NSD2: variants seen among roughly 807,000 people sequenced by gnomAD.
NSD2 encodes histone-lysine N-methyltransferase NSD2.
A neutral mutation model predicts 139.0 loss-of-function variants in NSD2; 12 were observed. That is an observed-to-expected ratio of 0.09 (90% confidence interval 0.06 to 0.14). NSD2 has a LOEUF of 0.14. Ranked by LOEUF, NSD2 falls within the 10% of genes least tolerant of loss-of-function variation. NSD2 has a pLI of 1.00. For missense variants in NSD2, 1,155 were observed against 1,745.0 expected (o/e 0.66, Z 6.02); for synonymous variants, 669 against 648.7 (o/e 1.03, Z -0.48).
In NSD2 at chr4:1,956,242, C is replaced by A; in HGVS notation, c.2881+54C>A. On this transcript the variant is annotated intron_variant, in intron 15 of 21. Transcript: ENST00000508803. This position sits in a 1 kb window ranked among gnomAD's most constrained non-coding sequence, Gnocchi z 5.3. ...ACAGCACTCTCGTGCATTTTCTTAC[C>A]CCTAATTTCTATTTTTTAAAATTTG... The A allele has an allele frequency of 1.4e-6, 2 of 1,440,874 alleles. No homozygotes were observed. The highest frequency in any genetic ancestry group is 4.7e-5 in the East Asian group (2 of 42,922). 89.3% of individuals were successfully genotyped at this position (1,440,874 alleles called of 1,614,324 possible). A position where few individuals can be genotyped will look rare whatever the true frequency, so the allele number is the denominator to read the frequency against.
At chr4:1,904,868 C>T (rs1172543716) in intron 3 of NSD2, among the ~76,000 whole-genome samples, 12 of 152,174 alleles carry the variant, frequency 7.9e-5, no homozygotes, top group South Asian at 6.2e-4. Context: ...CGGTGGCTCA[C>T]GCCTGTAATC....
intron 1 of NSD2, among the ~76,000 whole-genome samples, chr4:1,880,322 C>G (rs1285766694): frequency 6.6e-6 from 1 of 152,118 alleles, no homozygotes; most frequent in African/African-American, 2.4e-5. Flanking sequence ...CCTGCAGGGC[C>G]TGACCTCTGA....
intron 5 of NSD2, among the ~76,000 whole-genome samples, chr4:1,925,260 G>C (rs559057826): frequency 1.3e-5 from 2 of 152,288 alleles, no homozygotes; most frequent in East Asian, 3.9e-4. Context: ...ACCCTTGAGG[G>C]ATAGAGTCAG....
intron 9 of NSD2, chr4:1,945,341 C>G: frequency 9.4e-7 from 1 of 1,065,598 alleles, no homozygotes; most frequent in Non-Finnish European, 1.1e-6. Flanking sequence ...CTGTCAGGAG[C>G]AAGCTTGCTG....
At chr4:1,899,422 A>G (rs897514682) in intron 1 of NSD2, 2 of 152,168 alleles carry the variant, frequency 1.3e-5, no homozygotes, top group African/African-American at 2.4e-5. Flanking sequence ...TAGTGGTGGT[A>G]ATAAAAAATG....
At chr4:1,964,619 AGAGGTGCGCTGCGCT>A (rs981228690) in intron 18 of NSD2, among the ~76,000 whole-genome samples, 2 of 152,074 alleles carry the variant, frequency 1.3e-5, no homozygotes, top group African/African-American at 4.8e-5. Context: ...GTGCAGACAA[AGAGGTGCGCTGCGCT>A]GCCGTTGTTA....
intron 5 of NSD2, among the ~76,000 whole-genome samples, chr4:1,924,519 G>C (rs1444894523): frequency 6.6e-6 from 1 of 152,120 alleles, no homozygotes; most frequent in Non-Finnish European, 1.5e-5. Flanking sequence ...ATTGATCTCA[G>C]ATGGTCCTTC....
In NSD2 at chr4:1,975,340, A is replaced by C. The variant is rs1384015236; in HGVS notation, c.3561A>C (p.Glu1187Asp). ...ACAACCTCGATTGTCTGGGCAATGA[A>C]AAAACGGTCTGCCGGTGTGGAGCCT... The part of the protein sequence containing the change: ...FNYNLDCLGN[E>D]KTVCRCGASN... The change falls in exon 20 of 22, where the codon GAA becomes GAC. Residue 1187 changes from glutamate to aspartate, a missense_variant. This residue lies in a region of NSD2 where 139 missense variants were observed against 485.8 expected (regional missense o/e 0.29). Coordinates refer to ENST00000508803, the MANE Select transcript of NSD2 (RefSeq NM_001042424.3). 6.2e-7 allele frequency: 1 copy of C among 1,614,092 alleles called. No individual in the cohort carries two copies. The highest frequency in any genetic ancestry group is 1.3e-5 in the African/African-American group (1 of 74,922).
In NSD2 at chr4:1,930,938, C is replaced by T. The variant is rs185516993; in HGVS notation, c.1555+168C>T. 2.5e-3 allele frequency among the ~76,000 whole-genome samples: 377 copies of T among 152,214 alleles called. 3 individuals are homozygous for T. The highest frequency in any genetic ancestry group is 8.8e-3 in the African/African-American group (364 of 41,526). On this transcript the variant is annotated intron_variant, in intron 6 of 21. Coordinates refer to ENST00000508803, the MANE Select transcript of NSD2 (RefSeq NM_001042424.3). ...CGTGTGGTCACAGTAAAAACAGCTTCTGCCATCTGCGTTTACTGGCTTATG... is the reference window on the plus strand; with the variant it reads ...CGTGTGGTCACAGTAAAAACAGCTTTTGCCATCTGCGTTTACTGGCTTATG...
chr4:1,970,630 C>T (rs977714873), intron 18 of NSD2, among the ~76,000 whole-genome samples: 1 of 152,142 alleles, frequency 6.6e-6, no homozygotes, highest in African/African-American at 2.4e-5. Flanking sequence ...GCCAGAGCCG[C>T]TGAGTCAGGT....
chr4:1,906,441 A>G (rs1290536741), intron 3 of NSD2, among the ~76,000 whole-genome samples: 3 of 151,736 alleles, frequency 2.0e-5, no homozygotes, highest in African/African-American at 7.3e-5. Context: ...GGGTTTCACC[A>G]TGTTGCCCAG....
chr4:1,975,183 G>T, intron 19 of NSD2, 111 bp from the exon 20 acceptor site: 1 of 1,403,296 alleles, frequency 7.1e-7, no homozygotes, highest in South Asian at 1.3e-5. Flanking sequence ...GGTCAAGCCA[G>T]TACAGATACA....
chr4:1,966,631 T>G (rs1299179248), intron 18 of NSD2, among the ~76,000 whole-genome samples: 2 of 144,772 alleles, frequency 1.4e-5, no homozygotes, highest in African/African-American at 5.2e-5. Flanking sequence ...CACTCCAGCC[T>G]GGGTGACAGA....
At chr4:1,961,908 A>ATG (rs1725412215) in intron 18 of NSD2, among the ~76,000 whole-genome samples, 1 of 152,208 alleles carries the variant, frequency 6.6e-6, no homozygotes, top group African/African-American at 2.4e-5. Context: ...GATAGAATAC[A>ATG]TGTTTCTGCC....
chr4:1,896,126 C>T (rs142995364), intron 1 of NSD2, among the ~76,000 whole-genome samples: 1 of 152,346 alleles, frequency 6.6e-6, no homozygotes, highest in African/African-American at 2.4e-5. Context: ...GGATTCTAGT[C>T]CAGACAGCAG....
chr4:1,933,425 C>T (rs1030536340), intron 6 of NSD2, among the ~76,000 whole-genome samples: 3 of 152,188 alleles, frequency 2.0e-5, no homozygotes, highest in Admixed American at 6.5e-5. Context: ...CTTGCTCTGT[C>T]GCCCAGGCGG....
chr4:1,885,292 A>G (rs1043367537), intron 1 of NSD2, among the ~76,000 whole-genome samples: 6 of 152,170 alleles, frequency 3.9e-5, no homozygotes, highest in South Asian at 4.1e-4. Context: ...TTAAATCAGT[A>G]AAGGGCAGAA....
At chr4:1,966,155 G>GT (rs1195824704) in intron 18 of NSD2, among the ~76,000 whole-genome samples, 2 of 152,198 alleles carry the variant, frequency 1.3e-5, no homozygotes, top group African/African-American at 2.4e-5. Context: ...AGCTGAAGAA[G>GT]TTTTTTAGCA....
At chr4:1,938,402 T>TTTTTTTTTTGTTTG in intron 7 of NSD2, 49 bp from the exon 8 acceptor site, 2 of 1,094,974 alleles carry the variant, frequency 1.8e-6, no homozygotes. Context: ...TTTTCTTTTC[T>TTTTTTTTTTGTTTG]TTTTTTTTTC....
Sources: gnomAD v4.1 joint callset for allele counts (sites outside exome capture counted in the v4.1 genomes callset) on GRCh38, gnomAD v4.1.1 for gene constraint, gnomAD v4.1.1 regional missense constraint, Gnocchi (gnomAD v3.1) non-coding constraint, MANE v1.5 for transcripts, NCBI Gene and HGNC (gene_info 2026-07-23, HGNC 2026-07-21) for gene names.